ITK: variants seen among roughly 807,000 people sequenced by gnomAD.
The protein encoded by ITK is IL2 inducible T cell kinase.
Under a neutral mutation model 87.6 loss-of-function variants are expected in ITK, and 45 were observed. That is an observed-to-expected ratio of 0.51 (90% CI 0.40 to 0.66). The LOEUF (loss-of-function observed/expected upper bound fraction) is 0.66, where lower values mean the gene tolerates loss of function less well. ITK is among the 30% of genes least tolerant of loss of function. The probability of loss-of-function intolerance (pLI) is 0.00; values close to 1 mark genes in which losing one functional copy is unlikely to be tolerated. For missense variants in ITK, 605 were observed against 766.3 expected (o/e 0.79, Z 2.48); for synonymous variants, 303 against 273.6 (o/e 1.11, Z -1.06).
chr5:157,208,562 T>C (rs1392018459), intron 1 of ITK, among the ~76,000 whole-genome samples: 4 of 152,160 alleles, frequency 2.6e-5, no homozygotes, highest in Non-Finnish European at 5.9e-5. Flanking sequence ...GTCATATGTG[T>C]GTCCATGGAT....
chr5:157,249,123 A>G (rs897455837), intron 16 of ITK, 116 bp downstream of exon 16: 3 of 871,088 alleles, frequency 3.4e-6, no homozygotes, highest in East Asian at 2.5e-5. Context: ...ACTAATATAG[A>G]TTAGCAACAA....
Position 157,248,396 on chromosome 5 carries a change from G to A in ITK, c.1634-454G>A, listed in dbSNP as rs554941215. 1.1e-4 allele frequency among the ~76,000 whole-genome samples: 17 copies of A among 152,144 alleles called. No individual in the cohort carries two copies. In the South Asian group the frequency reaches 3.1e-3, roughly 28 times the overall value. ...AGAAGTTCAACTCTTAATTTTTGACGTCTTTTTTAAAAAAATCAGAAAATG... is the reference window on the plus strand; with the variant it reads ...AGAAGTTCAACTCTTAATTTTTGACATCTTTTTTAAAAAAATCAGAAAATG... On this transcript the variant is annotated intron_variant, in intron 15 of 16. Coordinates refer to ENST00000422843, the MANE Select transcript of ITK (RefSeq NM_005546.4).
chr5:157,216,355 T>C (rs918051173), intron 4 of ITK, among the ~76,000 whole-genome samples: 2 of 152,158 alleles, frequency 1.3e-5, no homozygotes, highest in African/African-American at 4.8e-5. Flanking sequence ...GGGATAATGA[T>C]AATAGATAGC....
intron 10 of ITK, 22 bp from the exon 11 acceptor site, chr5:157,241,624 C>T: frequency 6.3e-7 from 1 of 1,597,568 alleles, no homozygotes; most frequent in Non-Finnish European, 8.6e-7. Context: ...ACCACTGCTT[C>T]TTGGCTTTTC....
At chr5:157,231,642 G>T (rs903872979) in intron 7 of ITK, among the ~76,000 whole-genome samples, 2 of 152,122 alleles carry the variant, frequency 1.3e-5, no homozygotes, top group Non-Finnish European at 2.9e-5. Context: ...TGATCAGTCT[G>T]CCTCCTCTTA....
chr5:157,241,521 T>G lies in ITK; in HGVS notation c.986-125T>G, dbSNP rs1015598651. ...GATATCAATAATTAGGCTTTGGGAT[T>G]TGTTTTCCAGAATAAAATTAGCTTT... On this transcript the variant is annotated intron_variant, in intron 10 of 16. Transcript: ENST00000422843. 5.5e-6 allele frequency: 4 copies of G among 726,082 alleles called. No individual in the cohort carries two copies. The African/African-American group carries it at 7.0e-5, about 13-fold the overall frequency. 45.0% of individuals were successfully genotyped at this position (726,082 alleles called of 1,614,324 possible).
intron 3 of ITK, among the ~76,000 whole-genome samples, chr5:157,213,411 T>G (rs774260532): frequency 4.6e-5 from 7 of 152,188 alleles, no homozygotes; most frequent in Non-Finnish European, 1.0e-4. Context: ...AGGGTCTCAC[T>G]CTGTTACCCA....
chr5:157,217,820 A>T, intron 4 of ITK, 47 bp from the exon 5 acceptor site: 1 of 1,579,950 alleles, frequency 6.3e-7, no homozygotes, highest in Non-Finnish European at 8.7e-7. Flanking sequence ...GGTTGGGTCC[A>T]TTAGTTTTCA....
chr5:157,243,848 T>C, intron 12 of ITK, 54 bp downstream of exon 12: 2 of 1,563,352 alleles, frequency 1.3e-6, no homozygotes, highest in Non-Finnish European at 1.8e-6. Context: ...ATCGGTTCAG[T>C]GTTCTTGAAA....
intron 11 of ITK, 91 bp downstream of exon 11, chr5:157,241,811 G>A (rs1754914429): frequency 1.2e-6 from 1 of 856,654 alleles, no homozygotes; most frequent in Non-Finnish European, 2.0e-6. Context: ...CTGTTCCTCA[G>A]ACTACAAATC....
chr5:157,204,281 C>G (rs1754035327), intron 1 of ITK, among the ~76,000 whole-genome samples: 1 of 152,214 alleles, frequency 6.6e-6, no homozygotes, highest in South Asian at 2.1e-4. Flanking sequence ...CTGGGATTGG[C>G]TGGGCATGTT....
intron 1 of ITK, among the ~76,000 whole-genome samples, chr5:157,185,041 T>G (rs1293075047): frequency 6.6e-6 from 1 of 152,158 alleles, no homozygotes; most frequent in African/African-American, 2.4e-5. Context: ...AACCATCTCC[T>G]GCTTGCAGCA....
intron 8 of ITK, 81 bp downstream of exon 8, chr5:157,232,475 G>A: frequency 1.0e-6 from 1 of 986,244 alleles, no homozygotes; most frequent in Non-Finnish European, 1.6e-6. Flanking sequence ...CCAGCGATTT[G>A]GCAGGCCAAG....
intron 8 of ITK, among the ~76,000 whole-genome samples, chr5:157,234,739 A>C (rs1331082471): frequency 6.6e-6 from 1 of 152,182 alleles, no homozygotes; most frequent in Non-Finnish European, 1.5e-5. Context: ...ACATGGACAC[A>C]TCACACACCA....
intron 1 of ITK, among the ~76,000 whole-genome samples, chr5:157,189,477 T>C (rs163318): frequency 0.57 from 85,950 of 152,064 alleles, 24,865 homozygotes; most frequent in African/African-American, 0.69. Flanking sequence ...CTCAGGAGTT[T>C]GAGACAAGCC....
At chr5:157,181,136 G>A (rs765005531) in intron 1 of ITK, 21 bp downstream of exon 1, 13 of 1,613,702 alleles carry the variant, frequency 8.1e-6, no homozygotes, top group Non-Finnish European at 1.1e-5. Context: ...AGTTTCATTT[G>A]TCTTTTTTCG....
intron 1 of ITK, among the ~76,000 whole-genome samples, chr5:157,193,755 G>T (rs2431105): frequency 6.6e-6 from 1 of 152,036 alleles, no homozygotes; most frequent in Non-Finnish European, 1.5e-5. Flanking sequence ...TTGGGGCAAG[G>T]ATTTGTTGGT....
At chr5:157,217,770 G>C (rs1015444865) in intron 4 of ITK, 97 bp from the exon 5 acceptor site, 8 of 1,001,744 alleles carry the variant, frequency 8.0e-6, no homozygotes, top group African/African-American at 6.3e-5. Context: ...GTTTTCCCTG[G>C]GCCCTTTTTC....
chr5:157,245,235 A>G (rs1465442600), intron 13 of ITK: 1 of 210,072 alleles, frequency 4.8e-6, no homozygotes, highest in Non-Finnish European at 9.7e-6. Flanking sequence ...AAAAAAAAAA[A>G]AAAAAAAAAA....
Sources: gnomAD v4.1 joint callset for allele counts (sites outside exome capture counted in the v4.1 genomes callset) on GRCh38, gnomAD v4.1.1 for gene constraint, MANE v1.5 for transcripts, NCBI Gene and HGNC (gene_info 2026-07-23, HGNC 2026-07-21) for gene names.